The following CAMKMT variants were observed in gnomAD, a reference collection of about 807,000 sequenced individuals.
CAMKMT encodes the protein calmodulin-lysine N-methyltransferase.
In CAMKMT, 53 loss-of-function variants were observed where a neutral mutation model predicts 48.0. The ratio of observed to expected loss-of-function variants is 1.10; its 90% CI spans 0.89 to 1.39. CAMKMT has a LOEUF of 1.39. Ranked by LOEUF, CAMKMT falls within the 40% of genes most tolerant of loss-of-function variation. CAMKMT has a pLI of 0.00. For synonymous variants in CAMKMT, 165 were observed against 152.3 expected (o/e 1.08, Z -0.61); for missense variants, 428 against 402.7 (o/e 1.06, Z -0.54).
At chr2:44,694,425 T>G (rs1676824165) in intron 3 of CAMKMT, among the ~76,000 whole-genome samples, 1 of 151,922 alleles carries the variant, frequency 6.6e-6, no homozygotes, top group Non-Finnish European at 1.5e-5. Context: ...AATAGAAAAA[T>G]TAGCTGGGTG....
At chr2:44,464,938 C>G (rs1668033334) in intron 3 of CAMKMT, among the ~76,000 whole-genome samples, 1 of 152,040 alleles carries the variant, frequency 6.6e-6, no homozygotes, top group Non-Finnish European at 1.5e-5. Context: ...ATACAGAATC[C>G]TATAATCTGT....
chr2:44,486,256 C>T (rs1447725110), intron 3 of CAMKMT, among the ~76,000 whole-genome samples: 1 of 151,958 alleles, frequency 6.6e-6, no homozygotes, highest in Non-Finnish European at 1.5e-5. Flanking sequence ...TGTGAGCCAC[C>T]GTCTCTGACC....
chr2:44,444,646 G>A (rs1474370972), intron 3 of CAMKMT, among the ~76,000 whole-genome samples: 1 of 152,146 alleles, frequency 6.6e-6, no homozygotes, highest in Non-Finnish European at 1.5e-5. Flanking sequence ...ACATACATGT[G>A]TGTGTAAAAA....
rs544008592 is a variant in CAMKMT, at chr2:44,374,373, T to C, written c.311+1485T>C. Among the ~76,000 whole-genome samples the C allele has an allele frequency of 1.5e-4, 23 of 152,276 alleles. 1 individual carries two copies. In the East Asian group the frequency reaches 4.1e-3, roughly 27 times the overall value. ...ATTTCAAGTGATCCTTACAATAACT[T>C]TGTGAAGCAGGAATGGAAATGATTA... On this transcript the variant is annotated intron_variant, in intron 2 of 10. Transcript: ENST00000378494.
At chr2:44,377,992 A>G (rs1406755102) in intron 2 of CAMKMT, among the ~76,000 whole-genome samples, 1 of 152,226 alleles carries the variant, frequency 6.6e-6, no homozygotes, top group East Asian at 1.9e-4. Context: ...AGTATAACCT[A>G]GGTACGTATA....
intron 9 of CAMKMT, among the ~76,000 whole-genome samples, chr2:44,764,012 C>G (rs1290358960): frequency 1.3e-5 from 2 of 152,046 alleles, no homozygotes; most frequent in African/African-American, 2.4e-5. Context: ...CTAAAATGAC[C>G]TACCAGCATT....
At chr2:44,506,750 A>C (rs991341186) in intron 3 of CAMKMT, among the ~76,000 whole-genome samples, 1 of 152,140 alleles carries the variant, frequency 6.6e-6, no homozygotes, top group African/African-American at 2.4e-5. Context: ...TTCTGTAATA[A>C]GTGTGCTTTA....
chr2:44,393,993 C>G (rs750408511), intron 3 of CAMKMT, among the ~76,000 whole-genome samples: 9 of 152,266 alleles, frequency 5.9e-5, no homozygotes, highest in East Asian at 1.9e-4. Context: ...TCTAATTTAA[C>G]TATTTGTTGT....
intron 3 of CAMKMT, among the ~76,000 whole-genome samples, chr2:44,525,086 G>T (rs1671333670): frequency 6.6e-6 from 1 of 151,998 alleles, no homozygotes; most frequent in Non-Finnish European, 1.5e-5. Context: ...CACGTTAGTA[G>T]TTATAGTAGT....
chr2:44,437,387 G>A (rs758024236), intron 3 of CAMKMT, among the ~76,000 whole-genome samples: 7 of 152,196 alleles, frequency 4.6e-5, no homozygotes, highest in Non-Finnish European at 1.0e-4. Flanking sequence ...CCCCAAGCAG[G>A]GTTACTGGGG....
chr2:44,501,010 A>T (rs1272745615), intron 3 of CAMKMT, among the ~76,000 whole-genome samples: 1 of 151,466 alleles, frequency 6.6e-6, no homozygotes, highest in Non-Finnish European at 1.5e-5. Context: ...AAAGATATAG[A>T]GAGAATATTT....
chr2:44,439,005 A>G (rs1379626956), intron 3 of CAMKMT, among the ~76,000 whole-genome samples: 1 of 152,088 alleles, frequency 6.6e-6, no homozygotes, highest in African/African-American at 2.4e-5. Flanking sequence ...TTTACTCACC[A>G]CATTGTTTCA....
intron 7 of CAMKMT, among the ~76,000 whole-genome samples, chr2:44,738,275 T>A (rs1679473009): frequency 6.6e-6 from 1 of 152,260 alleles, no homozygotes; most frequent in Admixed American, 6.5e-5. Context: ...TTTATTTCTG[T>A]CTTCTTAAGG....
chr2:44,535,374 C>T (rs759402695), intron 3 of CAMKMT, among the ~76,000 whole-genome samples: 1 of 152,102 alleles, frequency 6.6e-6, no homozygotes, highest in Non-Finnish European at 1.5e-5. Context: ...GAATACTCCC[C>T]GACTTGTTCT....
intron 3 of CAMKMT, among the ~76,000 whole-genome samples, chr2:44,463,547 A>C (rs1667955030): frequency 6.6e-6 from 1 of 152,092 alleles, no homozygotes; most frequent in Non-Finnish European, 1.5e-5. Context: ...GTTGGGTGGG[A>C]GTTGGGCTGC....
At chr2:44,404,355 A>G (rs771749567) in intron 3 of CAMKMT, among the ~76,000 whole-genome samples, 2 of 152,112 alleles carry the variant, frequency 1.3e-5, no homozygotes, top group Non-Finnish European at 2.9e-5. Flanking sequence ...GTACATATGT[A>G]TGCATTTTCC....
chr2:44,594,839 G>T (rs1378046756), intron 3 of CAMKMT, among the ~76,000 whole-genome samples: 2 of 152,158 alleles, frequency 1.3e-5, no homozygotes, highest in Non-Finnish European at 2.9e-5. Flanking sequence ...AAGAGCTTCT[G>T]CACAGCAAAA....
At chr2:44,586,522 C>G (rs1024813914) in intron 3 of CAMKMT, among the ~76,000 whole-genome samples, 1 of 152,058 alleles carries the variant, frequency 6.6e-6, no homozygotes, top group Non-Finnish European at 1.5e-5. Flanking sequence ...TAGAAGCAAA[C>G]AAATTGTATT....
chr2:44,721,132 C>A (rs1678441310), intron 7 of CAMKMT, among the ~76,000 whole-genome samples: 1 of 152,096 alleles, frequency 6.6e-6, no homozygotes, highest in Non-Finnish European at 1.5e-5. Flanking sequence ...TCTCATACCT[C>A]CTTTTTCTCT....
Sources: gnomAD v4.1 joint callset for allele counts (sites outside exome capture counted in the v4.1 genomes callset) on GRCh38, gnomAD v4.1.1 for gene constraint, MANE v1.5 for transcripts, NCBI Gene and HGNC (gene_info 2026-07-23, HGNC 2026-07-21) for gene names.